Variants in ADARB1 observed in about 807,000 individuals in gnomAD.
ADARB1 encodes the protein adenosine deaminase RNA specific B1.
A neutral mutation model predicts 52.4 loss-of-function variants in ADARB1; 10 were observed. That is an observed-to-expected ratio of 0.19 (90% confidence interval 0.12 to 0.32). ADARB1 has a LOEUF of 0.32. Ranked by LOEUF, ADARB1 falls within the 10% of genes least tolerant of loss-of-function variation. The pLI, the probability that ADARB1 is intolerant of heterozygous loss-of-function variation, is 1.00. For synonymous variants in ADARB1, 349 were observed against 371.1 expected, an observed-to-expected ratio of 0.94 and a Z score of 0.68; for missense variants, 643 against 922.3, an observed-to-expected ratio of 0.70 and a Z score of 3.92.
At chr21:45,123,494 G>C (rs540908348) in intron 1 of ADARB1, among the ~76,000 whole-genome samples, 1 of 152,128 alleles carries the variant, frequency 6.6e-6, no homozygotes, top group Admixed American at 6.5e-5. Flanking sequence ...TTATAGAGAT[G>C]GTGTCTCCCT....
intron 1 of ADARB1, among the ~76,000 whole-genome samples, chr21:45,125,661 G>T (rs2088532075): frequency 1.3e-5 from 2 of 152,230 alleles, no homozygotes; most frequent in Admixed American, 6.5e-5. Context: ...TGGCCATCAG[G>T]CCTTCCTGCC....
chr21:45,222,388 G>A lies in ADARB1; in HGVS notation c.*191G>A, dbSNP rs1228762288. On this transcript the variant is annotated 3_prime_UTR_variant, in exon 11 of 11. Coordinates refer to ENST00000348831, the MANE Select transcript of ADARB1 (RefSeq NM_001112.4). ...GGGGCAGGTGCGCAGTGTGGGGAGG[G>A]GATGGGGTGCGTCAGGGCCCAGCAT... 2 of 1,330,078 alleles carry A rather than the reference G, an allele frequency of 1.5e-6. 1 individual carries two copies. The highest frequency in any genetic ancestry group is 5.5e-4 in the Middle Eastern group (2 of 3,630). The allele number at this position is 1,330,078 out of a possible 1,614,324, so 82.4% of individuals were successfully genotyped here.
intron 2 of ADARB1, among the ~76,000 whole-genome samples, chr21:45,165,724 A>T (rs990375981): frequency 2.6e-5 from 4 of 152,238 alleles, no homozygotes; most frequent in Admixed American, 2.0e-4. Context: ...AAATAAGCAA[A>T]TCATCTTTCA....
At chr21:45,190,056 C>T (rs1043933565) in intron 8 of ADARB1, among the ~76,000 whole-genome samples, 3 of 152,144 alleles carry the variant, frequency 2.0e-5, no homozygotes, top group African/African-American at 4.8e-5. Flanking sequence ...TCCCTCTTCT[C>T]CTTCTGGTAT....
chr21:45,090,884 G>C (rs2086536694), intron 1 of ADARB1, among the ~76,000 whole-genome samples: 1 of 152,120 alleles, frequency 6.6e-6, no homozygotes, highest in African/African-American at 2.4e-5. Flanking sequence ...GCGAAATGCA[G>C]GGTTTGTAAT....
At chr21:45,111,157 A>G (rs544240544) in intron 1 of ADARB1, among the ~76,000 whole-genome samples, 1 of 152,214 alleles carries the variant, frequency 6.6e-6, no homozygotes, top group East Asian at 1.9e-4. Flanking sequence ...GGAGCGCTGC[A>G]GTCCCTGAAG....
rs956677702 is a variant in ADARB1 at position 45,224,895 on chromosome 21, C to T, written c.*2698C>T. Reference sequence around the variant, plus strand: ...CTTTAATCCCTCCCTTCTGAGCGCTCGGTGTGCACTTTTAGACTATAGCTG... The same window carrying T: ...CTTTAATCCCTCCCTTCTGAGCGCTTGGTGTGCACTTTTAGACTATAGCTG... On this transcript the variant is annotated 3_prime_UTR_variant, in exon 11 of 11. Transcript: ENST00000348831. 5.1e-6 allele frequency: 5 copies of T among 985,610 alleles called. No homozygotes were observed. The African/African-American group carries it at 5.3e-5, about 10-fold the overall frequency. 61.1% of individuals were successfully genotyped at this position (985,610 alleles called of 1,614,324 possible).
rs534567403 is a variant in ADARB1, at chr21:45,098,242, G to A, written c.-220+23449G>A. Among the ~76,000 whole-genome samples, 14 of 151,556 alleles carry A rather than the reference G, an allele frequency of 9.2e-5. No homozygotes were observed. The South Asian group carries it at 2.7e-3, about 29-fold the overall frequency. ...AACTGTGACTTCCTCCTCACCCCAC[G>A]GCTGTGCTTGACCCGGCTCCCATCT... On this transcript the variant is annotated intron_variant, in intron 1 of 10. Transcript: ENST00000348831.
chr21:45,179,283 G>C (rs953473094), intron 4 of ADARB1, among the ~76,000 whole-genome samples: 1 of 152,214 alleles, frequency 6.6e-6, no homozygotes, highest in African/African-American at 2.4e-5. Flanking sequence ...GTCCTCTGGG[G>C]CTCACTGATA....
intron 4 of ADARB1, 34 bp from the exon 5 acceptor site, chr21:45,180,296 T>TG (rs1191920482): frequency 1.3e-6 from 2 of 1,505,836 alleles, no homozygotes; most frequent in South Asian, 2.3e-5. Flanking sequence ...CAGCTGCATC[T>TG]GGCCCCTAAC....
chr21:45,203,265 C>T (rs2092599259), intron 8 of ADARB1, among the ~76,000 whole-genome samples: 1 of 152,196 alleles, frequency 6.6e-6, no homozygotes, highest in African/African-American at 2.4e-5. Flanking sequence ...CTGGGACATG[C>T]GTTCCTCCCT....
intron 1 of ADARB1, among the ~76,000 whole-genome samples, chr21:45,102,785 C>A (rs1277523874): frequency 6.6e-6 from 1 of 152,236 alleles, no homozygotes; most frequent in Non-Finnish European, 1.5e-5. Flanking sequence ...CAGCACAATT[C>A]CAGATCATCT....
intron 2 of ADARB1, among the ~76,000 whole-genome samples, chr21:45,165,495 G>A (rs1342567942): frequency 6.6e-6 from 1 of 152,172 alleles, no homozygotes; most frequent in African/African-American, 2.4e-5. Context: ...TTAGCAGCTT[G>A]CAGGGACGGT....
At chr21:45,080,002 T>C (rs2086092218) in intron 1 of ADARB1, among the ~76,000 whole-genome samples, 1 of 152,110 alleles carries the variant, frequency 6.6e-6, no homozygotes, top group Non-Finnish European at 1.5e-5. Context: ...AGGAAGAAAC[T>C]AGTGAGAGTC....
rs138419623 is a variant in ADARB1, at chr21:45,157,960, A to G, written c.-47-13650A>G. On this transcript the variant is annotated intron_variant, in intron 2 of 10. Coordinates refer to ENST00000348831, the MANE Select transcript of ADARB1 (RefSeq NM_001112.4). The surrounding 1 kb of genome is among the most constrained non-coding windows in gnomAD (Gnocchi z 4.1). ...CAGTGGCACACACCACAAATTGCAC[A>G]GCACCCCCACAGGAGGCGAGCCTGT... Among the ~76,000 whole-genome samples the G allele has an allele frequency of 0.015, 2,244 of 152,302 alleles. 53 individuals are homozygous for G. The highest frequency in any genetic ancestry group is 0.046 in the African/African-American group (1,902 of 41,558).
At position 45,224,063 on chromosome 21, in the gene ADARB1, C is replaced by A. The variant is rs887587810; in HGVS notation, c.*1866C>A. 10 of 985,362 alleles carry A rather than the reference C, an allele frequency of 1.0e-5. No individual in the cohort carries two copies. Among genetic ancestry groups the A allele is most frequent in the Non-Finnish European group, 1.1e-5 (9 of 829,974 alleles). 61.0% of individuals were successfully genotyped at this position (985,362 alleles called of 1,614,324 possible). ...GCAGAAGGAGAGGGGTCTGTTGTCG[C>A]TGGCTTTCCCCCAAGCAGGCTCTTG... is the stretch of plus-strand genomic sequence containing the variant. On this transcript the variant is annotated 3_prime_UTR_variant, in exon 11 of 11. Transcript: ENST00000348831.
chr21:45,152,669 C>T (rs956439584), intron 2 of ADARB1: 6 of 449,408 alleles, frequency 1.3e-5, no homozygotes, highest in Admixed American at 4.8e-5. Flanking sequence ...CATGGGGCGT[C>T]GGTATAAAAG....
At chr21:45,212,492 C>T (rs560135384) in intron 9 of ADARB1, among the ~76,000 whole-genome samples, 26 of 152,106 alleles carry the variant, frequency 1.7e-4, no homozygotes, top group African/African-American at 5.5e-4. Context: ...TAAAAACCAC[C>T]CCAGCAGCAA....
chr21:45,113,491 G>GTA (rs757626683), intron 1 of ADARB1, among the ~76,000 whole-genome samples: 11 of 119,474 alleles, frequency 9.2e-5, no homozygotes, highest in Admixed American at 1.8e-4. Flanking sequence ...GTGTGTGTGT[G>GTA]TATATATGTG....
Sources: gnomAD v4.1 joint callset for allele counts (sites outside exome capture counted in the v4.1 genomes callset) on GRCh38, gnomAD v4.1.1 for gene constraint, Gnocchi (gnomAD v3.1) non-coding constraint, MANE v1.5 for transcripts, NCBI Gene and HGNC (gene_info 2026-07-23, HGNC 2026-07-21) for gene names.